The following EIF3A variants were observed in gnomAD, a reference collection of about 807,000 sequenced individuals.
EIF3A encodes EIF3, p180 subunit.
Under a neutral mutation model 186.6 loss-of-function variants are expected in EIF3A, and 21 were observed. That is an observed-to-expected ratio of 0.11 (90% CI 0.08 to 0.16). The LOEUF (loss-of-function observed/expected upper bound fraction) is 0.16. Among genes scored for constraint, EIF3A ranks in the 10% least tolerant of loss-of-function variants. The pLI, the probability that EIF3A is intolerant of heterozygous loss-of-function variation, is 1.00. For missense variants in EIF3A, 1,306 were observed against 1,796.3 expected (o/e 0.73, Z 4.93); for synonymous variants, 563 against 584.3 (o/e 0.96, Z 0.52).
chr10:119,073,884 T>A lies in EIF3A; in HGVS notation c.103A>T (p.Met35Leu). ...QPALDVLYDV[M>L]KSKKHRTWQK... Reference sequence around the variant, plus strand: ...CATGTTCTATGTTTTTTACTTTTCATAACATCATAAAGAACATCCAGAGCA... The same window carrying A: ...CATGTTCTATGTTTTTTACTTTTCAAAACATCATAAAGAACATCCAGAGCA... The change falls in exon 2 of 22, where the codon ATG (methionine) becomes TTG (leucine). Residue 35 changes from methionine to leucine, a missense_variant. Physicochemically the swap from Met to Leu is conservative, Grantham distance 15. Around this residue, in one of 8 missense-constraint regions of EIF3A, gnomAD observed 130 missense variants for 259.3 expected, o/e 0.50. Coordinates refer to ENST00000369144, the MANE Select transcript of EIF3A (RefSeq NM_003750.4). 6.2e-7 allele frequency: 1 copy of A among 1,610,960 alleles called. No individual in the cohort carries two copies. Among genetic ancestry groups the A allele is most frequent in the Non-Finnish European group, 8.5e-7 (1 of 1,179,130 alleles).
At chr10:119,041,712 C>T (rs1848210922) in intron 19 of EIF3A, among the ~76,000 whole-genome samples, 1 of 152,160 alleles carries the variant, frequency 6.6e-6, no homozygotes, top group Non-Finnish European at 1.5e-5. Context: ...TACACCAATA[C>T]TGAAAGCATG....
At chr10:119,071,798 G>A (rs1446018061) in intron 4 of EIF3A, among the ~76,000 whole-genome samples, 1 of 150,468 alleles carries the variant, frequency 6.6e-6, no homozygotes, top group South Asian at 2.1e-4. Context: ...GGCCGAGGTG[G>A]GTGGATCACA....
At chr10:119,055,013 C>A (rs1158639097) in intron 14 of EIF3A, among the ~76,000 whole-genome samples, 1 of 152,084 alleles carries the variant, frequency 6.6e-6, no homozygotes, top group Non-Finnish European at 1.5e-5. Context: ...AGTTCAAGAC[C>A]AGCCCAGCCA....
intron 1 of EIF3A, among the ~76,000 whole-genome samples, chr10:119,076,699 T>G (rs187799777): frequency 4.3e-4 from 65 of 152,160 alleles, no homozygotes; most frequent in African/African-American, 1.5e-3. Context: ...CCTAGCCCTC[T>G]GGGAGGCCAA....
chr10:119,040,849 A>G (rs191629242), intron 19 of EIF3A, among the ~76,000 whole-genome samples: 1 of 152,138 alleles, frequency 6.6e-6, no homozygotes, highest in East Asian at 1.9e-4. Context: ...TACTAAAAAT[A>G]CAAAAAATTA....
intron 4 of EIF3A, among the ~76,000 whole-genome samples, chr10:119,072,611 C>G (rs1844096621): frequency 6.6e-6 from 1 of 152,154 alleles, no homozygotes; most frequent in Non-Finnish European, 1.5e-5. Flanking sequence ...CACCACCACG[C>G]CCGGCTAAAT....
rs1843875780 is a variant in EIF3A at position 119,060,963 on chromosome 10, T to G, written c.1228-119A>C. 5.5e-6 allele frequency: 4 copies of G among 721,064 alleles called. No homozygotes were observed. The East Asian group carries it at 1.1e-4, about 20-fold the overall frequency. The allele number at this position is 721,064 out of a possible 1,614,324, so 44.7% of individuals were successfully genotyped here. ...TCATCCAATGCAAAGAAATACAAAA[T>G]GTATCATGAAGCTACTGATACTTGT... On this transcript the variant is annotated intron_variant, in intron 8 of 21. Transcript: ENST00000369144.
At chr10:119,076,040 T>A (rs1589697998) in intron 1 of EIF3A, among the ~76,000 whole-genome samples, 1 of 150,038 alleles carries the variant, frequency 6.7e-6, no homozygotes, top group African/African-American at 2.4e-5. Context: ...CTTTTTCTTT[T>A]AAGAGCTATC....
At chr10:119,066,638 G>A (rs1843986212) in intron 6 of EIF3A, among the ~76,000 whole-genome samples, 1 of 150,670 alleles carries the variant, frequency 6.6e-6, no homozygotes, top group Non-Finnish European at 1.5e-5. Flanking sequence ...AGAACCAGGA[G>A]CTAAATTTTC....
At chr10:119,066,346 T>C (rs1843977914) in intron 6 of EIF3A, among the ~76,000 whole-genome samples, 1 of 147,538 alleles carries the variant, frequency 6.8e-6, no homozygotes, top group Admixed American at 6.8e-5. Flanking sequence ...CCATCTCTAC[T>C]AAAAATGCAA....
intron 11 of EIF3A, among the ~76,000 whole-genome samples, chr10:119,058,861 TGA>T (rs1453268678): frequency 2.0e-5 from 3 of 152,118 alleles, no homozygotes; most frequent in Non-Finnish European, 4.4e-5. Flanking sequence ...CCAGCCTGGG[TGA>T]GAGTGAGACT....
At chr10:119,040,924 T>C (rs1180294842) in intron 19 of EIF3A, among the ~76,000 whole-genome samples, 1 of 145,188 alleles carries the variant, frequency 6.9e-6, no homozygotes, top group Non-Finnish European at 1.5e-5. Context: ...GAGAAGGGCA[T>C]GAACCTGGGA....
chr10:119,055,013 C>G (rs1158639097), intron 14 of EIF3A, among the ~76,000 whole-genome samples: 2 of 152,084 alleles, frequency 1.3e-5, no homozygotes, highest in African/African-American at 4.8e-5. Flanking sequence ...AGTTCAAGAC[C>G]AGCCCAGCCA....
rs554002068 is a variant in EIF3A at position 119,064,473 on chromosome 10, A to G, written c.1122+926T>C. On this transcript the variant is annotated intron_variant, in intron 7 of 21. Transcript: ENST00000369144. ...CCATCCCCGTAGGCCCATCCTCATG[A>G]TAAGAGTTCTCCCAAGATCTGGTGT... Among the ~76,000 whole-genome samples, 4 of 152,138 alleles carry G rather than the reference A, an allele frequency of 2.6e-5. 1 individual carries two copies. Among genetic ancestry groups the G allele is most frequent in the East Asian group, 2.0e-4 (1 of 5,070 alleles).
In EIF3A at chr10:119,058,213, T is replaced by C. The variant is rs1589690844; in HGVS notation, c.1720A>G (p.Thr574Ala). ...AGGCGCTCTTTTCTCTCCTCAATTG[T>C]CTGGCGGCGAGCCAGGATCCGCTGG... ...EHQRILARRQ[T>A]IEERKERLES... is the part of the protein sequence containing the mutation. The change falls in exon 12 of 22, where the codon ACA becomes GCA. Residue 574 changes from threonine to alanine, a missense_variant. Thr to Ala is a moderately conservative substitution (Grantham distance 58). Around this residue, in one of 8 missense-constraint regions of EIF3A, gnomAD observed 94 missense variants for 204.9 expected, o/e 0.46. Coordinates refer to ENST00000369144, the MANE Select transcript of EIF3A (RefSeq NM_003750.4). 1 of 1,613,734 alleles carries C rather than the reference T, an allele frequency of 6.2e-7. No homozygotes were observed. The highest frequency in any genetic ancestry group is 8.5e-7 in the Non-Finnish European group (1 of 1,179,932).
At chr10:119,046,861 G>C (rs991089523) in intron 17 of EIF3A, among the ~76,000 whole-genome samples, 14 of 152,168 alleles carry the variant, frequency 9.2e-5, no homozygotes, top group Admixed American at 9.2e-4. Flanking sequence ...GGAGGCTGAG[G>C]CAGGAGAATC....
chr10:119,078,945 C>CG lies in EIF3A; in HGVS notation c.49+1682dup, dbSNP rs113555246. Among the ~76,000 whole-genome samples, 228 of 151,698 alleles carry CG rather than the reference C, an allele frequency of 1.5e-3. 1 individual carries two copies. The highest frequency in any genetic ancestry group is 5.2e-3 in the African/African-American group (215 of 41,346). ...ATTATAATGCTTTGGCCTACTAGCACGGGGAAAAAAAAATACCTGTTGGGC... is the reference window on the plus strand; with the variant it reads ...ATTATAATGCTTTGGCCTACTAGCACGGGGGAAAAAAAAATACCTGTTGGGC... On this transcript the variant is annotated intron_variant, in intron 1 of 21. Coordinates refer to ENST00000369144, the MANE Select transcript of EIF3A (RefSeq NM_003750.4).
rs373129613 is a variant in EIF3A, at chr10:119,080,232, C to T, written c.49+396G>A. On this transcript the variant is annotated intron_variant, in intron 1 of 21. Transcript: ENST00000369144. ...CCGGGAGGGAGCCATGTTTCTTACT[C>T]CCCGGCACTCCCAGATGGCGGCCGG... The T allele has an allele frequency of 8.4e-6, 7 of 835,706 alleles. No homozygotes were observed. In the African/African-American group the frequency reaches 1.1e-4, roughly 13 times the overall value. 51.8% of individuals were successfully genotyped at this position (835,706 alleles called of 1,614,324 possible). A position where few individuals can be genotyped will look rare whatever the true frequency, so the allele number is the denominator to read the frequency against.
At position 119,036,087 on chromosome 10, in the gene EIF3A, A is replaced by G; in HGVS notation, c.4101T>C (p.Arg1367=). The change falls in exon 22 of 22, where the codon CGT becomes CGC. Residue 1367 remains arginine (R), a synonymous_variant. Transcript: ENST00000369144. ...RAEKDRESLR[R]TKNETDEDGW... ...CATCTTCATCAGTCTCATTTTTAGT[A>G]CGACGGAGAGATTCCCTATCTTTCT... 6.2e-7 allele frequency: 1 copy of G among 1,614,084 alleles called. No homozygotes were observed. Among genetic ancestry groups the G allele is most frequent in the South Asian group, 1.1e-5 (1 of 91,066 alleles).
Sources: allele counts gnomAD v4.1 joint callset (sites outside exome capture counted in the v4.1 genomes callset), GRCh38; gene constraint gnomAD v4.1.1; regional missense constraint gnomAD v4.1.1; transcripts MANE v1.5; gene names NCBI Gene and HGNC (gene_info 2026-07-23, HGNC 2026-07-21).